Variants in VTI1A observed in about 807,000 individuals in gnomAD.
VTI1A encodes vesicle transport through interaction with t-SNAREs 1A.
VTI1A carries 22 observed loss-of-function variants against 34.9 expected under a neutral mutation model. The ratio of observed to expected loss-of-function variants is 0.63; its 90% CI spans 0.45 to 0.90. The LOEUF is 0.90. Ranked by LOEUF, VTI1A falls within the 40% of genes least tolerant of loss-of-function variation. The pLI, the probability that VTI1A is intolerant of heterozygous loss-of-function variation, is 0.00. For synonymous variants in VTI1A, 87 were observed against 97.3 expected, an observed-to-expected ratio of 0.89 and a Z score of 0.62; for missense variants, 268 against 275.6, an observed-to-expected ratio of 0.97 and a Z score of 0.20.
chr10:112,771,911 C>G (rs1283379545), intron 7 of VTI1A, among the ~76,000 whole-genome samples: 1 of 152,148 alleles, frequency 6.6e-6, no homozygotes, highest in Non-Finnish European at 1.5e-5. Context: ...AAATAGTATT[C>G]CATTGTACGG....
At chr10:112,589,532 C>A (rs1244180815) in intron 5 of VTI1A, among the ~76,000 whole-genome samples, 1 of 152,030 alleles carries the variant, frequency 6.6e-6, no homozygotes, top group Non-Finnish European at 1.5e-5. Context: ...TGAAAACGAA[C>A]TAATACAGGG....
chr10:112,492,240 C>T (rs1362855060), intron 3 of VTI1A, among the ~76,000 whole-genome samples: 1 of 152,134 alleles, frequency 6.6e-6, no homozygotes, highest in African/African-American at 2.4e-5. Flanking sequence ...AAAATGTTGT[C>T]ACTCAGTAAA....
At chr10:112,794,194 C>A (rs1852589663) in intron 7 of VTI1A, among the ~76,000 whole-genome samples, 1 of 151,782 alleles carries the variant, frequency 6.6e-6, no homozygotes, top group African/African-American at 2.4e-5. Flanking sequence ...CCAAAATTTG[C>A]AAAATTCAAA....
chr10:112,690,914 G>A (rs1356086819), intron 7 of VTI1A, among the ~76,000 whole-genome samples: 2 of 152,090 alleles, frequency 1.3e-5, no homozygotes, highest in Non-Finnish European at 2.9e-5. Flanking sequence ...AGGTGCCCCT[G>A]CCCCAGCCCT....
intron 5 of VTI1A, among the ~76,000 whole-genome samples, chr10:112,636,882 A>T (rs1176896437): frequency 1.3e-5 from 2 of 152,212 alleles, no homozygotes; most frequent in East Asian, 3.8e-4. Flanking sequence ...AAACAAAATG[A>T]AACAACCAAC....
chr10:112,573,529 G>A (rs983545149), intron 5 of VTI1A, among the ~76,000 whole-genome samples: 4 of 152,218 alleles, frequency 2.6e-5, no homozygotes, highest in African/African-American at 9.6e-5. Flanking sequence ...GAAATTGACT[G>A]AGGTACAACC....
chr10:112,683,077 G>C (rs1848277073), intron 7 of VTI1A, among the ~76,000 whole-genome samples: 2 of 152,252 alleles, frequency 1.3e-5, no homozygotes, highest in African/African-American at 4.8e-5. Context: ...TGCAATCTAT[G>C]ATAAGTGATG....
At chr10:112,451,843 T>G (rs1304071442) in intron 1 of VTI1A, among the ~76,000 whole-genome samples, 1 of 152,222 alleles carries the variant, frequency 6.6e-6, no homozygotes, top group African/African-American at 2.4e-5. Context: ...ATATTTGGCT[T>G]TAGAGCTGTA....
rs1454542653 is a variant in VTI1A at position 112,817,877 on chromosome 10, A to G, written c.*2494A>G. The G allele has an allele frequency of 4.3e-6, 1 of 233,168 alleles. No homozygotes were observed. The highest frequency in any genetic ancestry group is 2.2e-5 in the African/African-American group (1 of 45,330). The allele number at this position is 233,168 out of a possible 1,614,324, so 14.4% of individuals were successfully genotyped here. A position where few individuals can be genotyped will look rare whatever the true frequency, so the allele number is the denominator to read the frequency against. ...GGTTGGGGGGAAGATGAAGGCATGG[A>G]GGAGGAAGAAGAGAAGGAAGCCCTT... On this transcript the variant is annotated 3_prime_UTR_variant, in exon 8 of 8. Coordinates refer to ENST00000393077, the MANE Select transcript of VTI1A (RefSeq NM_145206.4).
chr10:112,846,079 G>A, the VTI1A span, among the ~76,000 whole-genome samples: 2 of 152,178 alleles, frequency 1.3e-5, no homozygotes, highest in African/African-American at 4.8e-5. Context: ...AAGAGGGCTC[G>A]AGGCAGAGCC....
chr10:112,465,795 C>T (rs2134056232), intron 3 of VTI1A, among the ~76,000 whole-genome samples: 1 of 151,990 alleles, frequency 6.6e-6, no homozygotes, highest in East Asian at 1.9e-4. Context: ...ATTGGTTACT[C>T]AACAATGTGA....
chr10:112,669,052 A>T, intron 7 of VTI1A, 54 bp downstream of exon 7: 1 of 1,594,790 alleles, frequency 6.3e-7, no homozygotes, highest in Non-Finnish European at 8.6e-7. Flanking sequence ...TTAAAATACT[A>T]TGTTTTCATT....
chr10:112,648,017 G>T (rs921893914), intron 5 of VTI1A, among the ~76,000 whole-genome samples: 8 of 152,148 alleles, frequency 5.3e-5, no homozygotes, highest in African/African-American at 1.7e-4. Context: ...CAATCCGCCC[G>T]CCTCAGCCTC....
rs117490965 is a variant in VTI1A at position 112,522,631 on chromosome 10, G to A, written c.265-4456G>A. On this transcript the variant is annotated intron_variant, in intron 3 of 7. Transcript: ENST00000393077. ...CCCATTCAATGTACTGACATTCTAC[G>A]TAGCCATCGAATATTTGCATCCCAT... Among the ~76,000 whole-genome samples the A allele has an allele frequency of 2.7e-3, 416 of 152,140 alleles. 11 individuals are homozygous for A. The East Asian group carries it at 0.053, about 19-fold the overall frequency.
intron 3 of VTI1A, among the ~76,000 whole-genome samples, chr10:112,502,435 C>T (rs775692363): frequency 1.3e-5 from 2 of 152,054 alleles, no homozygotes; most frequent in Non-Finnish European, 2.9e-5. Flanking sequence ...TACCTGTGAC[C>T]TTCCAGTCAA....
rs771148702 is a variant in VTI1A at position 112,668,975 on chromosome 10, G to T, written c.537G>T (p.Arg179Ser). ...ETDANLGKSS[R>S]ILTGMLRRII... ...ATGCTAATTTGGGAAAAAGCTCCAG[G>T]ATTCTGACAGGGATGTTGCGAAGGT... Residue 179 changes from arginine (R) to serine (S), a missense_variant, in exon 7 of 8, where the codon AGG (arginine) becomes AGT (serine). Transcript: ENST00000393077. The T allele has an allele frequency of 6.2e-7, 1 of 1,612,478 alleles. No individual in the cohort carries two copies.
At chr10:112,854,567 A>G in the VTI1A span, among the ~76,000 whole-genome samples, 24 of 152,270 alleles carry the variant, frequency 1.6e-4, no homozygotes, top group East Asian at 3.9e-3. Flanking sequence ...CTGCTGTTCC[A>G]TGGCTGTGTG....
chr10:112,598,055 G>A (rs1417049157), intron 5 of VTI1A, among the ~76,000 whole-genome samples: 1 of 152,118 alleles, frequency 6.6e-6, no homozygotes, highest in Non-Finnish European at 1.5e-5. Context: ...GGGATACCTG[G>A]TGTCATAGAA....
chr10:112,852,665 C>T, the VTI1A span, among the ~76,000 whole-genome samples: 2 of 152,256 alleles, frequency 1.3e-5, no homozygotes, highest in African/African-American at 4.8e-5. Context: ...CTTCGCAGTG[C>T]AGTGTCCCCT....
Sources: gnomAD v4.1 joint callset for allele counts (sites outside exome capture counted in the v4.1 genomes callset) on GRCh38, gnomAD v4.1.1 for gene constraint, MANE v1.5 for transcripts, NCBI Gene and HGNC (gene_info 2026-07-23, HGNC 2026-07-21) for gene names.